The following ANK2 variants were observed in gnomAD, a reference collection of about 807,000 sequenced individuals.
ANK2 encodes the protein ankyrin-2.
ANK2 carries 83 observed loss-of-function variants against 360.5 expected under a neutral mutation model. That is an observed-to-expected ratio of 0.23 (90% confidence interval 0.19 to 0.28). The LOEUF (loss-of-function observed/expected upper bound fraction) is 0.28. Ranked by LOEUF, ANK2 falls within the 10% of genes least tolerant of loss-of-function variation. ANK2 has a pLI of 1.00. For synonymous variants in ANK2, 1,740 were observed against 1,759.5 expected (o/e 0.99, Z 0.28); for missense variants, 4,201 against 4,795.7 (o/e 0.88, Z 3.66).
intron 1 of ANK2, among the ~76,000 whole-genome samples, chr4:113,163,777 A>AAAAG (rs1448468538): frequency 5.7e-5 from 8 of 139,796 alleles, no homozygotes; most frequent in African/African-American, 2.3e-4. Flanking sequence ...AAAAAAAAAA[A>AAAAG]AAAAAAAAAA....
intron 2 of ANK2, among the ~76,000 whole-genome samples, chr4:112,955,757 G>T (rs1368304693): frequency 6.6e-6 from 1 of 152,082 alleles, no homozygotes; most frequent in Admixed American, 6.5e-5. Context: ...GCTAATCTTT[G>T]ATAATTAGTA....
At chr4:112,742,469 A>G in the ANK2 span, among the ~76,000 whole-genome samples, 3 of 151,810 alleles carry the variant, frequency 2.0e-5, no homozygotes, top group African/African-American at 7.3e-5. Flanking sequence ...CACCCTAGAT[A>G]AGATTGGCTA....
At chr4:113,376,714 TA>T (rs2096948415) in intron 45 of ANK2, among the ~76,000 whole-genome samples, 3 of 151,992 alleles carry the variant, frequency 2.0e-5, no homozygotes, top group African/African-American at 7.2e-5. Flanking sequence ...ACAGGTGCAT[TA>T]AAAATTGTTT....
At chr4:112,890,433 T>C (rs2079614254) in intron 1 of ANK2, among the ~76,000 whole-genome samples, 1 of 152,106 alleles carries the variant, frequency 6.6e-6, no homozygotes, top group South Asian at 2.1e-4. Context: ...ATTTGGGCTG[T>C]AGAATATTAC....
intron 26 of ANK2, among the ~76,000 whole-genome samples, chr4:113,328,379 A>G (rs1028679054): frequency 1.3e-5 from 2 of 152,160 alleles, no homozygotes; most frequent in African/African-American, 4.8e-5. Context: ...ACAAAAACCA[A>G]CCTAAGTATC....
chr4:113,196,569 C>T (rs2098750870), intron 3 of ANK2, 103 bp downstream of exon 3: 2 of 1,078,186 alleles, frequency 1.9e-6, no homozygotes, highest in Admixed American at 2.0e-5. Context: ...TTTCTGTTGC[C>T]CAGGAAGTAG....
chr4:112,900,831 C>T (rs2083119644), intron 1 of ANK2, among the ~76,000 whole-genome samples: 1 of 152,130 alleles, frequency 6.6e-6, no homozygotes, highest in Non-Finnish European at 1.5e-5. Flanking sequence ...GTTTACATTG[C>T]CTTGATTTAT....
At chr4:113,324,268 T>G (rs1490655718) in intron 26 of ANK2, among the ~76,000 whole-genome samples, 1 of 152,212 alleles carries the variant, frequency 6.6e-6, no homozygotes, top group Non-Finnish European at 1.5e-5. Context: ...AGTGTATTAG[T>G]AGTGCATTTC....
intron 1 of ANK2, among the ~76,000 whole-genome samples, chr4:113,132,932 C>T (rs1506062): frequency 0.48 from 72,300 of 151,972 alleles, 17,971 homozygotes; most frequent in Non-Finnish European, 0.55. Context: ...ATTCTACCTT[C>T]GGAGCTGTAC....
At chr4:112,852,071 G>T (rs571864324) in intron 1 of ANK2, among the ~76,000 whole-genome samples, 76 of 152,274 alleles carry the variant, frequency 5.0e-4, no homozygotes, top group African/African-American at 1.7e-3. Context: ...GAAGAAGGTT[G>T]TTCATAAATC....
chr4:112,812,679 A>T, the ANK2 span, among the ~76,000 whole-genome samples: 1 of 152,192 alleles, frequency 6.6e-6, no homozygotes, highest in Non-Finnish European at 1.5e-5. Flanking sequence ...TGAGAAAAAT[A>T]AATGTTTCAA....
At chr4:112,814,738 G>A (rs1158812445), upstream of ANK2, among the ~76,000 whole-genome samples, 3 of 152,162 alleles carry the variant, frequency 2.0e-5, no homozygotes, top group Non-Finnish European at 4.4e-5. Flanking sequence ...TGTAGTCCAG[G>A]AGACAAGTGA....
intron 23 of ANK2, among the ~76,000 whole-genome samples, chr4:113,307,694 C>T (rs963483537): frequency 4.6e-5 from 7 of 152,108 alleles, no homozygotes; most frequent in South Asian, 2.1e-4. Flanking sequence ...TGAGTCACCA[C>T]GCCCGGCCGC....
At chr4:113,091,932 C>A (rs1320642848) in intron 1 of ANK2, among the ~76,000 whole-genome samples, 1 of 152,092 alleles carries the variant, frequency 6.6e-6, no homozygotes, top group Non-Finnish European at 1.5e-5. Context: ...GTGCAGGAGT[C>A]CAATGTTTTT....
At position 113,373,228 on chromosome 4, in the gene ANK2, A is replaced by G. The variant is rs1006358605; in HGVS notation, c.11694+55A>G. The stretch of plus-strand genomic sequence containing the variant: ...ATTACAAACTTCCTGTTTAAAATTT[A>G]TCAATTCCATGGTACTGTCACACAA... On this transcript the variant is annotated intron_variant, in intron 44 of 45. Coordinates refer to ENST00000357077, the MANE Select transcript of ANK2 (RefSeq NM_001148.6). 6.8e-6 allele frequency: 11 copies of G among 1,612,760 alleles called. No individual in the cohort carries two copies. In the Admixed American group the frequency reaches 1.2e-4, roughly 17 times the overall value.
the ANK2 span, among the ~76,000 whole-genome samples, chr4:112,728,442 A>G: frequency 6.6e-6 from 1 of 152,120 alleles, no homozygotes; most frequent in African/African-American, 2.4e-5. Context: ...CACACAATCT[A>G]CTAAGACTGA....
intron 26 of ANK2, among the ~76,000 whole-genome samples, chr4:113,322,571 T>G (rs996106715): frequency 3.9e-5 from 6 of 152,212 alleles, no homozygotes; most frequent in Non-Finnish European, 2.9e-5. Flanking sequence ...TTATTAAAGG[T>G]CTTTAGTTTT....
chr4:113,027,632 C>G (rs114207797), intron 2 of ANK2, among the ~76,000 whole-genome samples: 1,762 of 152,144 alleles, frequency 0.012, 39 homozygotes, highest in African/African-American at 0.04. Flanking sequence ...TGTCTTACAG[C>G]CATTTCCTTT....
At chr4:113,348,909 A>T (rs1300305498) in intron 36 of ANK2, among the ~76,000 whole-genome samples, 2 of 152,064 alleles carry the variant, frequency 1.3e-5, no homozygotes, top group Non-Finnish European at 1.5e-5. Context: ...AATTTTTGGG[A>T]GTGTAAAGGG....
Sources: allele counts gnomAD v4.1 joint callset (sites outside exome capture counted in the v4.1 genomes callset), GRCh38; gene constraint gnomAD v4.1.1; transcripts MANE v1.5; gene names NCBI Gene and HGNC (gene_info 2026-07-23, HGNC 2026-07-21).